ZFHX3: variants seen among roughly 807,000 people sequenced by gnomAD.
The protein encoded by ZFHX3 is zinc finger homeobox 3, also known as zinc finger homeobox protein 3.
Under a neutral mutation model 279.1 loss-of-function variants are expected in ZFHX3, and 42 were observed. That is an observed-to-expected ratio of 0.15 (90% CI 0.12 to 0.19). The LOEUF (loss-of-function observed/expected upper bound fraction) is 0.19. ZFHX3 is among the 10% of genes least tolerant of loss of function. ZFHX3 has a pLI of 1.00. For synonymous variants in ZFHX3, 2,293 were observed against 1,957.8 expected (o/e 1.17, Z -4.52); for missense variants, 4,981 against 4,754.0 (o/e 1.05, Z -1.40).
chr16:73,883,000 C>T (rs994437294), intron 1 of ZFHX3, among the ~76,000 whole-genome samples: 9 of 150,600 alleles, frequency 6.0e-5, no homozygotes, highest in Admixed American at 6.0e-4. Flanking sequence ...TTTTGAAATG[C>T]CTGAGATTAT....
At chr16:73,420,517 A>G (rs2017697282) in intron 3 of ZFHX3, 1 of 152,206 alleles carries the variant, frequency 6.6e-6, no homozygotes, top group African/African-American at 2.4e-5. Context: ...AATGCCCTAG[A>G]AACTCCCTCC....
At chr16:73,651,448 A>T (rs1235313585) in intron 2 of ZFHX3, among the ~76,000 whole-genome samples, 2 of 152,048 alleles carry the variant, frequency 1.3e-5, no homozygotes, top group Non-Finnish European at 2.9e-5. Context: ...AGTATTAAAT[A>T]AAAAAGGAAG....
chr16:73,190,505 A>G (rs893132075), intron 5 of ZFHX3, among the ~76,000 whole-genome samples: 1 of 152,234 alleles, frequency 6.6e-6, no homozygotes, highest in African/African-American at 2.4e-5. Context: ...GATTGCTTGC[A>G]TCATAGAAAA....
At chr16:73,857,695 T>G (rs1961771232) in intron 1 of ZFHX3, among the ~76,000 whole-genome samples, 1 of 152,202 alleles carries the variant, frequency 6.6e-6, no homozygotes, top group South Asian at 2.1e-4. Flanking sequence ...GTTTTTGTTC[T>G]GCCCTTTTTC....
At chr16:73,398,856 G>GTTT (rs4011545) in intron 3 of ZFHX3, among the ~76,000 whole-genome samples, 220 of 151,228 alleles carry the variant, frequency 1.5e-3, no homozygotes, top group Admixed American at 3.0e-3. Flanking sequence ...AGTGGCAGTG[G>GTTT]TTTTTTTTGT....
chr16:73,798,137 A>T (rs1960047613), intron 1 of ZFHX3, among the ~76,000 whole-genome samples: 1 of 152,100 alleles, frequency 6.6e-6, no homozygotes, highest in Non-Finnish European at 1.5e-5. Context: ...ACTATAAGGT[A>T]GTAATAACAC....
intron 3 of ZFHX3, among the ~76,000 whole-genome samples, chr16:73,404,075 C>T (rs982097829): frequency 6.6e-6 from 1 of 152,114 alleles, no homozygotes; most frequent in Non-Finnish European, 1.5e-5. Context: ...GCTTTTTGCA[C>T]CAGTGGGAAC....
chr16:73,570,933 T>C (rs1406659214), intron 2 of ZFHX3, among the ~76,000 whole-genome samples: 1 of 139,506 alleles, frequency 7.2e-6, no homozygotes, highest in African/African-American at 2.6e-5. Context: ...AATTAGATGC[T>C]GCAACCTTTT....
chr16:73,472,134 C>A (rs1270005354), intron 2 of ZFHX3, among the ~76,000 whole-genome samples: 1 of 152,064 alleles, frequency 6.6e-6, no homozygotes, highest in Non-Finnish European at 1.5e-5. Flanking sequence ...GGGTCTTAAA[C>A]CAACTTCTAC....
intron 1 of ZFHX3, among the ~76,000 whole-genome samples, chr16:73,853,435 C>G (rs1961638832): frequency 6.6e-6 from 1 of 152,242 alleles, no homozygotes; most frequent in African/African-American, 2.4e-5. Context: ...ACCTAAGTAT[C>G]CATCAACAGT....
intron 5 of ZFHX3, among the ~76,000 whole-genome samples, chr16:73,155,638 T>C (rs1967059100): frequency 1.3e-5 from 2 of 151,846 alleles, no homozygotes; most frequent in South Asian, 2.1e-4. Flanking sequence ...GCCTGGCCAA[T>C]GTGGTGAAAC....
chr16:73,686,090 T>G (rs2053079899), intron 1 of ZFHX3, among the ~76,000 whole-genome samples: 1 of 137,324 alleles, frequency 7.3e-6, no homozygotes, highest in African/African-American at 2.8e-5. Flanking sequence ...CAGACATTTC[T>G]TATTTATTTA....
intron 4 of ZFHX3, among the ~76,000 whole-genome samples, chr16:72,883,266 C>T (rs1306237479): frequency 6.6e-6 from 1 of 152,110 alleles, no homozygotes; most frequent in Non-Finnish European, 1.5e-5. Context: ...CCTATCCTCT[C>T]TATGTAAATG....
intron 1 of ZFHX3, among the ~76,000 whole-genome samples, chr16:73,865,093 C>T (rs1223280120): frequency 6.6e-6 from 1 of 152,174 alleles, no homozygotes; most frequent in Non-Finnish European, 1.5e-5. Context: ...GAAAGACAGA[C>T]CTGGGCATCA....
intron 2 of ZFHX3, among the ~76,000 whole-genome samples, chr16:73,462,898 G>A (rs1409431569): frequency 6.6e-6 from 1 of 152,108 alleles, no homozygotes; most frequent in African/African-American, 2.4e-5. Flanking sequence ...TTTAGTCTGG[G>A]TTTGGCATCA....
intron 3 of ZFHX3, among the ~76,000 whole-genome samples, chr16:73,319,715 T>C (rs1293466441): frequency 6.6e-6 from 1 of 152,180 alleles, no homozygotes; most frequent in Non-Finnish European, 1.5e-5. Context: ...GGCCTTTCTG[T>C]TTATACAACA....
chr16:73,589,463 G>A (rs1381915493), intron 2 of ZFHX3, among the ~76,000 whole-genome samples: 3 of 149,982 alleles, frequency 2.0e-5, no homozygotes, highest in Admixed American at 1.3e-4. Context: ...TGGGCACGGT[G>A]GCTCACGCCT....
chr16:73,499,066 C>T (rs144400157), intron 2 of ZFHX3, among the ~76,000 whole-genome samples: 60 of 152,238 alleles, frequency 3.9e-4, no homozygotes, highest in Middle Eastern at 3.4e-3. Context: ...CAAGTTTATC[C>T]AAATAAAGAT....
chr16:73,556,343 G>A (rs531428427), intron 2 of ZFHX3, among the ~76,000 whole-genome samples: 2 of 152,184 alleles, frequency 1.3e-5, no homozygotes, highest in South Asian at 4.2e-4. Context: ...AAGAAACAGG[G>A]GCTAATGTAA....
Sources: gnomAD v4.1 joint callset for allele counts (sites outside exome capture counted in the v4.1 genomes callset) on GRCh38, gnomAD v4.1.1 for gene constraint, MANE v1.5 for transcripts, NCBI Gene and HGNC (gene_info 2026-07-23, HGNC 2026-07-21) for gene names.